Variants in DNAH10 observed in about 807,000 individuals in gnomAD.
DNAH10 encodes dynein axonemal heavy chain 10, also known as axonemal beta dynein heavy chain 10.
In DNAH10, 348 loss-of-function variants were observed where a neutral mutation model predicts 506.6. The observed-to-expected ratio is 0.69, with a 90% confidence interval of 0.63 to 0.75. The LOEUF (loss-of-function observed/expected upper bound fraction) is 0.75. Among genes scored for constraint, DNAH10 ranks in the 30% least tolerant of loss-of-function variants. The pLI is 0.00. For missense variants in DNAH10, 5,179 were observed against 5,787.1 expected (o/e 0.89, Z 3.41); for synonymous variants, 2,059 against 2,198.6 (o/e 0.94, Z 1.78).
chr12:123,817,209 C>T (rs1202727901), intron 21 of DNAH10, among the ~76,000 whole-genome samples: 17 of 107,996 alleles, frequency 1.6e-4, no homozygotes, highest in African/African-American at 5.5e-4. Flanking sequence ...TTTTGTTCTT[C>T]TTTTTTTTTT....
intron 18 of DNAH10, among the ~76,000 whole-genome samples, chr12:123,805,757 A>G (rs1465929176): frequency 6.9e-6 from 1 of 144,640 alleles, no homozygotes; most frequent in South Asian, 2.2e-4. Flanking sequence ...CCAGCCTCAC[A>G]TTTTTCTCTT....
Position 123,762,618 on chromosome 12 carries a change from G to T in DNAH10, c.214+68G>T. On this transcript the variant is annotated intron_variant, in intron 1 of 78. Transcript: ENST00000673944. This position sits in a 1 kb window ranked among gnomAD's most constrained non-coding sequence, Gnocchi z 5.0. ...GCCCGTCCCGGCCTCTCCGGCGGGC[G>T]CCGGGGCTGCTAGAGCCTGCCCATC... 2 of 1,459,494 alleles carry T rather than the reference G, an allele frequency of 1.4e-6. No individual in the cohort carries two copies. Among genetic ancestry groups the T allele is most frequent in the Non-Finnish European group, 1.8e-6 (2 of 1,093,790 alleles). 90.4% of individuals were successfully genotyped at this position (1,459,494 alleles called of 1,614,324 possible). A position where few individuals can be genotyped will look rare whatever the true frequency, so the allele number is the denominator to read the frequency against.
At chr12:123,873,439 TAA>T in intron 45 of DNAH10, 117 bp from the exon 46 acceptor site, 1 of 1,192,114 alleles carries the variant, frequency 8.4e-7, no homozygotes, top group South Asian at 1.6e-5. Flanking sequence ...ACTGGGTTAT[TAA>T]AAAGTTAGTT....
At position 123,930,662 on chromosome 12, in the gene DNAH10, T is replaced by G; in HGVS notation, c.12784+89T>G. On this transcript the variant is annotated intron_variant, in intron 73 of 78. Transcript: ENST00000673944. The stretch of plus-strand genomic sequence containing the variant: ...AACCGGCTCCTCTCCTGGTGGGGGC[T>G]CCTCGGCTGGTCAGGTGTGGTCTGT... 4 of 1,474,906 alleles carry G rather than the reference T, an allele frequency of 2.7e-6. No homozygotes were observed. In the South Asian group the frequency reaches 3.9e-5, roughly 14 times the overall value. The allele number at this position is 1,474,906 out of a possible 1,614,324, so 91.4% of individuals were successfully genotyped here. A position where few individuals can be genotyped will look rare whatever the true frequency, so the allele number is the denominator to read the frequency against.
chr12:123,900,273 C>T (rs1293337532), intron 56 of DNAH10, among the ~76,000 whole-genome samples: 1 of 152,152 alleles, frequency 6.6e-6, no homozygotes, highest in African/African-American at 2.4e-5. Context: ...ATATTCCTGG[C>T]CCCCTAGATG....
intron 19 of DNAH10, among the ~76,000 whole-genome samples, chr12:123,812,812 T>C (rs1958992605): frequency 6.6e-6 from 1 of 152,140 alleles, no homozygotes; most frequent in South Asian, 2.1e-4. Flanking sequence ...CTCTTGTGTA[T>C]GGCCTTTCGT....
At chr12:123,813,046 A>G (rs899316408) in intron 19 of DNAH10, 118 bp from the exon 20 acceptor site, 15 of 695,762 alleles carry the variant, frequency 2.2e-5, no homozygotes, top group Non-Finnish European at 3.3e-5. Flanking sequence ...CAAATAATTT[A>G]TTAATAATAA....
intron 57 of DNAH10, among the ~76,000 whole-genome samples, chr12:123,905,355 C>T (rs944517519): frequency 2.0e-5 from 3 of 152,256 alleles, no homozygotes; most frequent in South Asian, 2.1e-4. Flanking sequence ...TCATTGTGCA[C>T]GTGGGCGAGT....
chr12:123,841,660 C>A, intron 30 of DNAH10, 115 bp downstream of exon 30: 2 of 936,498 alleles, frequency 2.1e-6, no homozygotes, highest in Non-Finnish European at 1.6e-6. Flanking sequence ...TGTTTTTTTG[C>A]AATAGGTCAT....
intron 18 of DNAH10, among the ~76,000 whole-genome samples, chr12:123,805,631 A>G (rs1958638670): frequency 1.3e-5 from 2 of 152,156 alleles, no homozygotes; most frequent in South Asian, 4.1e-4. Context: ...AGCCTGTGAA[A>G]TCCATCACCG....
rs942634969 is a variant in DNAH10 at position 123,826,796 on chromosome 12, T to C, written c.4289T>C (p.Val1430Ala). The change falls in exon 25 of 79, where the codon GTC becomes GCC. Residue 1430 changes from valine to alanine, a missense_variant. Physicochemically the swap from Val to Ala is moderately conservative, Grantham distance 64. Around this residue, in one of 3 missense-constraint regions of DNAH10, gnomAD observed 4,844 missense variants for 5,430.5 expected, o/e 0.89. Transcript: ENST00000673944. ...GCTCTCAGAAAGCTACCTCGGCCAG[T>C]CCGTGGCTTATCAGTGACCTACTAC... The part of the protein sequence containing the change: ...LRALRKLPRP[V>A]RGLSVTYYLE... The C allele has an allele frequency of 4.3e-6, 7 of 1,613,888 alleles. No individual in the cohort carries two copies. The African/African-American group carries it at 9.3e-5, about 22-fold the overall frequency.
Position 123,813,650 on chromosome 12 carries a change from C to A in DNAH10, c.3621+10C>A. On this transcript the variant is annotated intron_variant, in intron 20 of 78. Coordinates refer to ENST00000673944, the MANE Select transcript of DNAH10 (RefSeq NM_001372106.1). ...CCATGAAGAGATGGAGGTACTCAAT[C>A]GCTGTGTGTAATTGAAACTACTTTT... The A allele has an allele frequency of 6.2e-7, 1 of 1,613,392 alleles. No homozygotes were observed. Among genetic ancestry groups the A allele is most frequent in the South Asian group, 1.1e-5 (1 of 90,992 alleles).
Position 123,902,317 on chromosome 12 carries a change from G to A in DNAH10, c.9641-622G>A, listed in dbSNP as rs1032263558. On this transcript the variant is annotated intron_variant, in intron 56 of 78. Transcript: ENST00000673944. The surrounding 1 kb of genome is among the most constrained non-coding windows in gnomAD (Gnocchi z 4.5). Reference sequence around the variant, plus strand: ...CCCAGTGGGCACGAATCTTGGTGGGGTGACACTGTTCAAACCACTGTGAGC... The same window carrying A: ...CCCAGTGGGCACGAATCTTGGTGGGATGACACTGTTCAAACCACTGTGAGC... Among the ~76,000 whole-genome samples the A allele has an allele frequency of 6.6e-6, 1 of 152,180 alleles. No homozygotes were observed. The highest frequency in any genetic ancestry group is 1.5e-5 in the Non-Finnish European group (1 of 68,040).
chr12:123,814,048 AAAGCAATGCCACTG>A, intron 21 of DNAH10, 136 bp downstream of exon 21: 1 of 757,872 alleles, frequency 1.3e-6, no homozygotes, highest in Non-Finnish European at 2.0e-6. Flanking sequence ...TTGTAAATGT[AAAGCAATGCCACTG>A]TTATTTAGAA....
intron 10 of DNAH10, among the ~76,000 whole-genome samples, chr12:123,789,009 G>A (rs1212042942): frequency 1.3e-5 from 2 of 152,148 alleles, no homozygotes; most frequent in African/African-American, 4.8e-5. Flanking sequence ...CAGCACTTTG[G>A]GAGGCCAAGG....
At chr12:123,910,708 A>T in intron 59 of DNAH10, 36 bp downstream of exon 59, 2 of 1,606,842 alleles carry the variant, frequency 1.2e-6, no homozygotes, top group Non-Finnish European at 1.7e-6. Context: ...CACCACTGCC[A>T]AGGGACCCAT....
chr12:123,822,561 T>A (rs1317851467), intron 24 of DNAH10, among the ~76,000 whole-genome samples: 1 of 152,218 alleles, frequency 6.6e-6, no homozygotes, highest in African/African-American at 2.4e-5. Context: ...ATCTAATCTA[T>A]ATCTATCTGT....
chr12:123,933,698 C>T (rs551532958), intron 77 of DNAH10, among the ~76,000 whole-genome samples, 187 bp downstream of exon 77: 3 of 152,176 alleles, frequency 2.0e-5, no homozygotes, highest in African/African-American at 7.2e-5. Flanking sequence ...AGGGTGGATA[C>T]GGAAGTTTCT....
Position 123,764,296 on chromosome 12 carries a change from G to A in DNAH10, c.214+1746G>A, listed in dbSNP as rs150462465. Among the ~76,000 whole-genome samples, 600 of 152,254 alleles carry A rather than the reference G, an allele frequency of 3.9e-3. 2 individuals carry two copies. Among genetic ancestry groups the A allele is most frequent in the African/African-American group, 0.014 (571 of 41,528 alleles). On this transcript the variant is annotated intron_variant, in intron 1 of 78. Transcript: ENST00000673944. ...TCTGGAGAGAGGACCACGTGATCAC[G>A]TTTTGGAATTTAACCTTCCAGCCTA...
Sources: allele counts gnomAD v4.1 joint callset (sites outside exome capture counted in the v4.1 genomes callset), GRCh38; gene constraint gnomAD v4.1.1; regional missense constraint gnomAD v4.1.1; non-coding constraint Gnocchi (gnomAD v3.1); transcripts MANE v1.5; gene names NCBI Gene and HGNC (gene_info 2026-07-23, HGNC 2026-07-21).